Variants in MED26 observed in about 807,000 individuals in gnomAD.
MED26 encodes mediator of RNA polymerase II transcription subunit 26.
A neutral mutation model predicts 43.7 loss-of-function variants in MED26; 7 were observed. That is an observed-to-expected ratio of 0.16 (90% CI 0.09 to 0.30). The LOEUF is 0.30. Among genes scored for constraint, MED26 ranks in the 10% least tolerant of loss-of-function variants. The pLI is 1.00. For synonymous variants in MED26, 375 were observed against 371.1 expected (o/e 1.01, Z -0.12); for missense variants, 784 against 840.6 (o/e 0.93, Z 0.83).
chr19:16,608,756 A>G (rs1262875781), intron 1 of MED26, among the ~76,000 whole-genome samples: 1 of 152,278 alleles, frequency 6.6e-6, no homozygotes, highest in East Asian at 1.9e-4. Context: ...CAAAGATAGC[A>G]GTACAACAGA....
chr19:16,613,569 C>T (rs1469662628), intron 1 of MED26, among the ~76,000 whole-genome samples: 1 of 152,192 alleles, frequency 6.6e-6, no homozygotes, highest in Non-Finnish European at 1.5e-5. Flanking sequence ...ATGCATCCCC[C>T]TTCCCTCTAC....
chr19:16,602,890 C>A (rs1394298268), intron 1 of MED26, among the ~76,000 whole-genome samples: 4 of 152,114 alleles, frequency 2.6e-5, no homozygotes, highest in South Asian at 2.1e-4. Flanking sequence ...GATGAAGAGT[C>A]CTGGAGACAG....
At chr19:16,596,129 C>T (rs920884478) in intron 1 of MED26, among the ~76,000 whole-genome samples, 5 of 152,216 alleles carry the variant, frequency 3.3e-5, no homozygotes, top group Admixed American at 3.3e-4. Context: ...CCTCCTGCCT[C>T]AGCCTCCCCA....
At chr19:16,579,588 G>T (rs2086034004) in intron 1 of MED26, among the ~76,000 whole-genome samples, 1 of 152,128 alleles carries the variant, frequency 6.6e-6, no homozygotes. Context: ...GTTACAACAA[G>T]AATTCCTACC....
chr19:16,611,436 T>C (rs1375603823), intron 1 of MED26: 3 of 152,170 alleles, frequency 2.0e-5, no homozygotes, highest in African/African-American at 7.2e-5. Flanking sequence ...CTCCACTGAT[T>C]GCAGTACATA....
chr19:16,600,620 C>T (rs2086144073), intron 1 of MED26, among the ~76,000 whole-genome samples: 1 of 152,088 alleles, frequency 6.6e-6, no homozygotes, highest in Admixed American at 6.5e-5. Context: ...CCTTGAACTG[C>T]ACCACCCCCA....
rs1044459480 is a variant in MED26, at chr19:16,627,988, G to A, written c.-45C>T. On this transcript the variant is annotated 5_prime_UTR_variant, in exon 1 of 3. Transcript: ENST00000263390. Reference sequence around the variant, plus strand: ...GTTGCGGCCGGGCCAGCGGGCGGGCGGGCTGAGGCGGGGGACGGGGGTCAC... The same window carrying A: ...GTTGCGGCCGGGCCAGCGGGCGGGCAGGCTGAGGCGGGGGACGGGGGTCAC... The A allele has an allele frequency of 1.9e-5, 24 of 1,265,862 alleles. No homozygotes were observed. The African/African-American group carries it at 3.1e-4, about 16-fold the overall frequency. 78.4% of individuals were successfully genotyped at this position (1,265,862 alleles called of 1,614,324 possible). A position where few individuals can be genotyped will look rare whatever the true frequency, so the allele number is the denominator to read the frequency against.
Position 16,576,538 on chromosome 19 carries a change from G to A in MED26, c.1292C>T (p.Thr431Met). The part of the protein sequence containing the change: ...KERKLTFDPM[T>M]RQIKPLTQKE... ...CTGGGTCAGAGGTTTGATCTGTCTC[G>A]TCATGGGGTCAAAGGTGAGCTTCCG... is the stretch of plus-strand genomic sequence containing the variant. Residue 431 changes from threonine (T) to methionine (M), a missense_variant, in exon 3 of 3, where the codon ACG becomes ATG. Physicochemically the swap from Thr to Met is moderately conservative, Grantham distance 81. Coordinates refer to ENST00000263390, the MANE Select transcript of MED26 (RefSeq NM_004831.5). The surrounding 1 kb of genome is among the most constrained non-coding windows in gnomAD (Gnocchi z 6.8). The A allele has an allele frequency of 1.2e-6, 2 of 1,614,228 alleles. No homozygotes were observed. Among genetic ancestry groups the A allele is most frequent in the Non-Finnish European group, 1.7e-6 (2 of 1,180,046 alleles).
Position 16,577,515 on chromosome 19 carries a change from G to T in MED26, c.315C>A (p.Asn105Lys). The change falls in exon 3 of 3, where the codon AAC becomes AAA. Residue 105 changes from asparagine to lysine, a missense_variant. Transcript: ENST00000263390. The surrounding 1 kb of genome is among the most constrained non-coding windows in gnomAD (Gnocchi z 8.1). Reference sequence around the variant, plus strand: ...CCGGCCGGCAGTTGTGTGCGCCCCCGTTGGCAGAGCCGGTGGCCCCCGCCA... The same window carrying T: ...CCGGCCGGCAGTTGTGTGCGCCCCCTTTGGCAGAGCCGGTGGCCCCCGCCA... The part of the protein sequence containing the change: ...RGLAGATGSA[N>K]GGAHNCRPEV... 3.1e-6 allele frequency: 5 copies of T among 1,601,804 alleles called. No individual in the cohort carries two copies. The highest frequency in any genetic ancestry group is 4.3e-6 in the Non-Finnish European group (5 of 1,173,572).
chr19:16,618,175 G>A (rs950584349), intron 1 of MED26, among the ~76,000 whole-genome samples: 6 of 152,076 alleles, frequency 3.9e-5, no homozygotes, highest in African/African-American at 1.4e-4. Flanking sequence ...CTCTGCCCAG[G>A]GTCCACAAAT....
At position 16,627,921 on chromosome 19, in the gene MED26, G is replaced by T; in HGVS notation, c.23C>A (p.Pro8Gln). 1.3e-6 allele frequency: 2 copies of T among 1,494,016 alleles called. No homozygotes were observed. The highest frequency in any genetic ancestry group is 8.9e-7 in the Non-Finnish European group (1 of 1,121,064). The allele number at this position is 1,494,016 out of a possible 1,614,324, so 92.5% of individuals were successfully genotyped here. Residue 8 changes from proline (P) to glutamine (Q), a missense_variant, in exon 1 of 3, where the codon CCG (proline) becomes CAG (glutamine). Coordinates refer to ENST00000263390, the MANE Select transcript of MED26 (RefSeq NM_004831.5). MTAAPAS[P>Q]QQIRDRLLQA... ...CAGCAGCCGGTCCCTGATCTGCTGC[G>T]GAGACGCCGGAGCCGCTGTCATTGC...
At position 16,577,622 on chromosome 19, in the gene MED26, C is replaced by T. The variant is rs1237142312; in HGVS notation, c.208G>A (p.Ala70Thr). ...VRKKTKNEEL[A>T]KRAKKLLRSW... ...CGCAGCAGCTTCTTGGCCCGCTTGG[C>T]GAGCTCCTCGTTCTTGGTTTTCTTG... Residue 70 changes from alanine (A) to threonine (T), a missense_variant, in exon 3 of 3, where the codon GCC (alanine) becomes ACC (threonine). By Grantham distance (58) the Ala-to-Thr change is moderately conservative (BLOSUM62 0). This residue lies in a region of MED26 where 28 missense variants were observed against 79.4 expected (regional missense o/e 0.35). Transcript: ENST00000263390. The surrounding 1 kb of genome is among the most constrained non-coding windows in gnomAD (Gnocchi z 8.1). The T allele has an allele frequency of 1.3e-6, 2 of 1,595,650 alleles. No individual in the cohort carries two copies. The highest frequency in any genetic ancestry group is 8.6e-7 in the Non-Finnish European group (1 of 1,168,320).
intron 1 of MED26, among the ~76,000 whole-genome samples, chr19:16,622,598 C>T (rs974395743): frequency 2.0e-5 from 3 of 152,208 alleles, no homozygotes; most frequent in African/African-American, 7.2e-5. Flanking sequence ...GTGCTCCAAG[C>T]ATGGGTGCTA....
chr19:16,617,619 AC>A (rs2086232136), intron 1 of MED26, among the ~76,000 whole-genome samples: 1 of 151,962 alleles, frequency 6.6e-6, no homozygotes, highest in Admixed American at 6.6e-5. Flanking sequence ...CCTTCTCTCC[AC>A]CCCAATTTCA....
intron 1 of MED26, among the ~76,000 whole-genome samples, chr19:16,600,804 G>A (rs1321115278): frequency 6.6e-6 from 1 of 152,144 alleles, no homozygotes; most frequent in Non-Finnish European, 1.5e-5. Flanking sequence ...TATTTATTAA[G>A]AAATTCTTGG....
chr19:16,582,563 T>C (rs971894346), intron 1 of MED26, among the ~76,000 whole-genome samples: 1 of 151,850 alleles, frequency 6.6e-6, no homozygotes, highest in Non-Finnish European at 1.5e-5. Context: ...GAGTGGCAGG[T>C]CTCCCACTCT....
chr19:16,607,944 A>G (rs1488427385), intron 1 of MED26, among the ~76,000 whole-genome samples: 4 of 152,248 alleles, frequency 2.6e-5, no homozygotes, highest in African/African-American at 9.6e-5. Context: ...TACGATCACG[A>G]GAACTGTCCC....
chr19:16,625,396 A>T (rs1190303514), intron 1 of MED26, among the ~76,000 whole-genome samples: 2 of 152,244 alleles, frequency 1.3e-5, no homozygotes, highest in East Asian at 3.8e-4. Context: ...ATATTAGGTC[A>T]GTTCCTGACA....
chr19:16,605,202 T>C (rs979323454), intron 1 of MED26, among the ~76,000 whole-genome samples: 17 of 152,256 alleles, frequency 1.1e-4, no homozygotes, highest in Admixed American at 2.6e-4. Context: ...AACTGTTTAA[T>C]GAGGGACTTC....
Sources: allele counts gnomAD v4.1 joint callset (sites outside exome capture counted in the v4.1 genomes callset), GRCh38; gene constraint gnomAD v4.1.1; regional missense constraint gnomAD v4.1.1; non-coding constraint Gnocchi (gnomAD v3.1); transcripts MANE v1.5; gene names NCBI Gene and HGNC (gene_info 2026-07-23, HGNC 2026-07-21).